The following LAMA5 variants were observed in gnomAD, a reference collection of about 807,000 sequenced individuals.
The protein encoded by LAMA5 is laminin subunit alpha-5.
A neutral mutation model predicts 433.4 loss-of-function variants in LAMA5; 260 were observed. The observed-to-expected ratio is 0.60, with a 90% CI of 0.54 to 0.66. LAMA5 has a LOEUF of 0.66. LAMA5 is among the 30% of genes least tolerant of loss of function. The probability of loss-of-function intolerance (pLI) is 0.00; values close to 1 mark genes in which losing one functional copy is unlikely to be tolerated. For missense variants in LAMA5, 5,378 were observed against 5,258.5 expected, an observed-to-expected ratio of 1.02 and a Z score of -0.70; for synonymous variants, 2,620 against 2,226.6, an observed-to-expected ratio of 1.18 and a Z score of -4.97.
At chr20:62,338,209 C>A (rs1382621358) in intron 13 of LAMA5, 23 bp downstream of exon 13, 2 of 1,578,052 alleles carry the variant, frequency 1.3e-6, no homozygotes, top group South Asian at 1.2e-5. Context: ...CTACCCACGC[C>A]CACGTGGAGA....
At chr20:62,327,146 T>C in intron 38 of LAMA5, 87 bp downstream of exon 38, 2 of 1,342,376 alleles carry the variant, frequency 1.5e-6, no homozygotes, top group Non-Finnish European at 2.0e-6. Context: ...TCCCCCTCCC[T>C]GGACAGACCC....
At chr20:62,335,719 C>T (rs1249457453) in intron 18 of LAMA5, among the ~76,000 whole-genome samples, 1 of 138,724 alleles carries the variant, frequency 7.2e-6, no homozygotes, top group Non-Finnish European at 1.5e-5. Context: ...AGCACACTCA[C>T]AGGCTCCAGC....
At position 62,333,519 on chromosome 20, in the gene LAMA5, A is replaced by C. The variant is rs574271618; in HGVS notation, c.3022-38T>G. 546 of 1,582,870 alleles carry C rather than the reference A, an allele frequency of 3.4e-4. 1 individual carries two copies. In the African/African-American group the frequency reaches 6.5e-3, roughly 19 times the overall value. On this transcript the variant is annotated intron_variant, in intron 24 of 79. Coordinates refer to ENST00000252999, the MANE Select transcript of LAMA5 (RefSeq NM_005560.6). ...GGTGGTGCTGAGAGTGGTGGGCCCC[A>C]CCCCCTGACCCGGCCCCCAGCCCTC...
chr20:62,335,999 C>T (rs374899413), intron 18 of LAMA5, among the ~76,000 whole-genome samples: 11 of 143,910 alleles, frequency 7.6e-5, no homozygotes, highest in African/African-American at 2.9e-4. Flanking sequence ...CCCTCCAGGG[C>T]ACACTCACAG....
At position 62,324,052 on chromosome 20, in the gene LAMA5, GCCTCGTC is replaced by G; in HGVS notation, c.5768+21_5768+27del. 1 of 1,487,966 alleles carries G rather than the reference GCCTCGTC, an allele frequency of 6.7e-7. No individual in the cohort carries two copies. Among genetic ancestry groups the G allele is most frequent in the Non-Finnish European group, 8.9e-7 (1 of 1,121,862 alleles). 92.2% of individuals were successfully genotyped at this position (1,487,966 alleles called of 1,614,324 possible). A position where few individuals can be genotyped will look rare whatever the true frequency, so the allele number is the denominator to read the frequency against. On this transcript the variant is annotated intron_variant, in intron 43 of 79. Transcript: ENST00000252999. This position sits in a 1 kb window ranked among gnomAD's most constrained non-coding sequence, Gnocchi z 4.4. ...GTGAAGGGAGCCTGGCACCATCAGG[GCCTCGTC>G]CCGGGAGGAGGCTGGCTTACTTGTT... is the stretch of plus-strand genomic sequence containing the variant.
intron 47 of LAMA5, 49 bp from the exon 48 acceptor site, chr20:62,322,217 G>T (rs747848247): frequency 2.6e-6 from 4 of 1,560,782 alleles, no homozygotes; most frequent in Non-Finnish European, 3.5e-6. Context: ...ACCTTGGAGC[G>T]TACCCCACTC....
rs542426206 is a variant in LAMA5 at position 62,346,409 on chromosome 20, C to G, written c.1282+97G>C. Reference sequence around the variant, plus strand: ...TCCTTCCTGGGCTGGCCTGGAAGCTCAGGACATCCCCTCCAAAGCAGCCCC... The same window carrying G: ...TCCTTCCTGGGCTGGCCTGGAAGCTGAGGACATCCCCTCCAAAGCAGCCCC... On this transcript the variant is annotated intron_variant, in intron 9 of 79. Coordinates refer to ENST00000252999, the MANE Select transcript of LAMA5 (RefSeq NM_005560.6). The G allele has an allele frequency of 1.1e-4, 151 of 1,394,088 alleles. No homozygotes were observed. In the African/African-American group the frequency reaches 2.0e-3, roughly 19 times the overall value. The allele number at this position is 1,394,088 out of a possible 1,614,324, so 86.4% of individuals were successfully genotyped here.
In LAMA5 at chr20:62,322,684, T is replaced by C; in HGVS notation, c.6139A>G (p.Thr2047Ala). The part of the protein sequence containing the change: ...SGHCLCKAGV[T>A]GRRCDRCQEG... ...TGGCAGCGGTCACAGCGCCGCCCAG[T>C]CACGCCCGCCTTGCACAGGCAGTGC... Residue 2047 changes from threonine (T) to alanine (A), a missense_variant, in exon 46 of 80, where the codon ACT becomes GCT. Transcript: ENST00000252999. 1 of 1,543,360 alleles carries C rather than the reference T, an allele frequency of 6.5e-7. No homozygotes were observed. Among genetic ancestry groups the C allele is most frequent in the East Asian group, 2.5e-5 (1 of 40,722 alleles).
intron 46 of LAMA5, 68 bp from the exon 47 acceptor site, chr20:62,322,517 G>A: frequency 6.7e-7 from 1 of 1,500,762 alleles, no homozygotes; most frequent in South Asian, 1.2e-5. Context: ...TGGAAGCCAG[G>A]GGTCCTGCCC....
chr20:62,327,313 G>T lies in LAMA5; in HGVS notation c.5032C>A (p.Leu1678Met). The T allele has an allele frequency of 6.3e-7, 1 of 1,599,398 alleles. No homozygotes were observed. Among genetic ancestry groups the T allele is most frequent in the Non-Finnish European group, 8.5e-7 (1 of 1,173,040 alleles). ...GGCACAGCCTCAGGCACGTGCCGCA[G>T]GTCTGCACGGAGCATCTCCGTCCCT... ...QPGTEMLRAD[L>M]RHVPEAVPEA... The change falls in exon 38 of 80, where the codon CTG becomes ATG. Residue 1678 changes from leucine to methionine, a missense_variant. Physicochemically the swap from Leu to Met is conservative, Grantham distance 15 (BLOSUM62 2). Transcript: ENST00000252999.
intron 14 of LAMA5, 28 bp downstream of exon 14, chr20:62,337,988 C>A: frequency 6.3e-7 from 1 of 1,593,364 alleles, no homozygotes; most frequent in Non-Finnish European, 8.6e-7. Context: ...GGTGGCAGAA[C>A]CCCTTCCTGC....
chr20:62,362,427 C>T lies in LAMA5; in HGVS notation c.423G>A (p.Glu141=). The T allele has an allele frequency of 6.4e-7, 1 of 1,573,428 alleles. No homozygotes were observed. Among genetic ancestry groups the T allele is most frequent in the Non-Finnish European group, 8.7e-7 (1 of 1,155,010 alleles). ...GGCCCAGGTCCAGGGTGACGTTGAC[C>T]TCGTTGTACTCCAGGCCGCGGGACA... The part of the protein sequence containing the change: ...PPLSRGLEYN[E]VNVTLDLGQV... The change falls in exon 2 of 80, where the codon GAG becomes GAA. Residue 141 remains glutamate (E), a synonymous_variant. Coordinates refer to ENST00000252999, the MANE Select transcript of LAMA5 (RefSeq NM_005560.6).
In LAMA5 at chr20:62,336,743, G is replaced by A. The variant is rs1355911086; in HGVS notation, c.2208C>T (p.Ala736=). 4 of 1,613,108 alleles carry A rather than the reference G, an allele frequency of 2.5e-6. No individual in the cohort carries two copies. The East Asian group carries it at 6.7e-5, about 27-fold the overall frequency. The change falls in exon 17 of 80, where the codon GCC becomes GCT. Residue 736 remains alanine (A), a synonymous_variant. Coordinates refer to ENST00000252999, the MANE Select transcript of LAMA5 (RefSeq NM_005560.6). ...HPAGLAPVDP[A]LPEAQVPCMC... is the part of the protein sequence containing the mutation. ...GCAGACTTGGGCTCACCTCAGGAAG[G>A]GCAGGATCCACTGGGGCCAGACCGG...
In LAMA5 at chr20:62,312,635, G is replaced by A. The variant is rs41307205; in HGVS notation, c.9224C>T (p.Pro3075Leu). The A allele has an allele frequency of 0.061, 97,216 of 1,604,734 alleles. 4,207 individuals are homozygous for A. Among genetic ancestry groups the A allele is most frequent in the South Asian group, 0.17 (15,167 of 90,022 alleles). The change falls in exon 67 of 80, where the codon CCG becomes CTG. Residue 3075 changes from proline (P) to leucine (L), a missense_variant. Transcript: ENST00000252999. ...LGGVPPDQLP[P>L]SLRRLFPTGG... ...CCCAGCTGCGCACAGTGCTTACCTC[G>A]GGGGCAGCTGGTCGGGCGGCACGCC...
At chr20:62,334,658 C>T (rs528764417) in intron 20 of LAMA5, 37 bp from the exon 21 acceptor site, 7 of 1,512,870 alleles carry the variant, frequency 4.6e-6, no homozygotes, top group Non-Finnish European at 6.2e-6. Context: ...GGCTGCCTGG[C>T]CCCCACCCAG....
At chr20:62,362,916 C>T (rs1185451300) in intron 1 of LAMA5, among the ~76,000 whole-genome samples, 2 of 151,768 alleles carry the variant, frequency 1.3e-5, no homozygotes, top group Non-Finnish European at 2.9e-5. Flanking sequence ...TGCAACGAGC[C>T]CTGGGGGCAG....
intron 62 of LAMA5, 131 bp from the exon 63 acceptor site, chr20:62,313,933 G>A (rs867660997): frequency 2.1e-6 from 2 of 971,872 alleles, no homozygotes; most frequent in Non-Finnish European, 3.0e-6. Flanking sequence ...AGAGACGAGG[G>A]GTGGCGAGTG....
At position 62,338,567 on chromosome 20, in the gene LAMA5, G is replaced by A. The variant is rs531045232; in HGVS notation, c.1519C>T (p.Arg507Trp). 12 of 1,611,176 alleles carry A rather than the reference G, an allele frequency of 7.4e-6. No homozygotes were observed. Among genetic ancestry groups the A allele is most frequent in the African/African-American group, 2.7e-5 (2 of 75,028 alleles). Residue 507 changes from arginine to tryptophan, a missense_variant, in exon 12 of 80, where the codon CGG becomes TGG. Arg to Trp is a moderately radical substitution (Grantham distance 101, BLOSUM62 -3). Transcript: ENST00000252999. ...SAAGTQGNAC[R>W]KDPRVGRCLC... The stretch of plus-strand genomic sequence containing the variant: ...CAGCGTCCCACCCTTGGGTCCTTCC[G>A]GCAGGCGTTGCCCTGGGTCCCTGCC...
At chr20:62,317,192 G>A (rs1355878354) in intron 55 of LAMA5, among the ~76,000 whole-genome samples, 153 bp downstream of exon 55, 1 of 152,222 alleles carries the variant, frequency 6.6e-6, no homozygotes, top group Non-Finnish European at 1.5e-5. Context: ...CTGTCACTCT[G>A]GGCCCCAGCT....
Sources: allele counts gnomAD v4.1 joint callset (sites outside exome capture counted in the v4.1 genomes callset), GRCh38; gene constraint gnomAD v4.1.1; non-coding constraint Gnocchi (gnomAD v3.1); transcripts MANE v1.5; gene names NCBI Gene and HGNC (gene_info 2026-07-23, HGNC 2026-07-21).